DOCK11: variants seen among roughly 807,000 people sequenced by gnomAD.
DOCK11 encodes the protein dedicator of cytokinesis 11.
Under a neutral mutation model 169.1 loss-of-function variants are expected in DOCK11, and 70 were observed. That is an observed-to-expected ratio of 0.41 (90% confidence interval 0.34 to 0.51). The LOEUF is 0.51. Ranked by LOEUF, DOCK11 falls within the 20% of genes least tolerant of loss-of-function variation. DOCK11 has a pLI of 0.10. For synonymous variants in DOCK11, 529 were observed against 541.3 expected (o/e 0.98, Z 0.32); for missense variants, 1,166 against 1,538.8 (o/e 0.76, Z 4.05).
chrX:118,516,018 T>TATATATATATATATATATATATATGC (rs1269373292), intron 1 of DOCK11, among the ~76,000 whole-genome samples: 5 of 81,475 alleles, frequency 6.1e-5, no homozygotes, highest in Admixed American at 2.5e-4. Flanking sequence ...TATATATATA[T>TATATATATATATATATATATATATGC]ACATTCTTAC....
chrX:118,572,255 G>A, intron 10 of DOCK11, 68 bp from the exon 11 acceptor site: 2 of 961,755 alleles, frequency 2.1e-6, no homozygotes, highest in Non-Finnish European at 2.8e-6. Flanking sequence ...GCCATTTTTT[G>A]TATATTGATG....
At chrX:118,569,311 C>T (rs1305031654) in intron 10 of DOCK11, 2 of 109,996 alleles carry the variant, frequency 1.8e-5, no homozygotes, top group African/African-American at 6.6e-5. Context: ...AGGCTGGTCT[C>T]GAACTCCCAA....
intron 18 of DOCK11, among the ~76,000 whole-genome samples, chrX:118,588,775 T>C (rs1380682875): frequency 8.9e-6 from 1 of 112,103 alleles, no homozygotes; most frequent in African/African-American, 3.2e-5. Context: ...CCTGATAGTT[T>C]ATAATGGTAC....
intron 23 of DOCK11, among the ~76,000 whole-genome samples, chrX:118,604,818 C>G (rs1213233889): frequency 9.0e-6 from 1 of 110,681 alleles, no homozygotes; most frequent in Non-Finnish European, 1.9e-5. Context: ...TTGCATTCCA[C>G]TTAACTTGTC....
intron 46 of DOCK11, among the ~76,000 whole-genome samples, chrX:118,674,654 T>C (rs1482673751): frequency 1.8e-5 from 2 of 112,068 alleles, no homozygotes; most frequent in Non-Finnish European, 3.8e-5. Context: ...TGTGTGGATA[T>C]ATATTTTCAA....
chrX:118,543,113 C>A, intron 3 of DOCK11, 98 bp downstream of exon 3: 2 of 616,094 alleles, frequency 3.2e-6, no homozygotes, highest in South Asian at 3.6e-5. Flanking sequence ...TTTATAAATA[C>A]ATAAATGTAA....
chrX:118,672,582 G>A (rs369379326), intron 46 of DOCK11, among the ~76,000 whole-genome samples: 4 of 112,241 alleles, frequency 3.6e-5, no homozygotes, highest in East Asian at 5.6e-4. Flanking sequence ...ACAGGCGCCC[G>A]CCACCGCGCC....
chrX:118,538,779 A>C (rs1484710365), intron 1 of DOCK11: 1 of 431,254 alleles, frequency 2.3e-6, no homozygotes, highest in Admixed American at 9.1e-5. Context: ...AGAAAGGATA[A>C]ATTACAAAGC....
chrX:118,592,452 C>A (rs932379430), intron 19 of DOCK11, among the ~76,000 whole-genome samples: 33 of 111,808 alleles, frequency 3.0e-4, no homozygotes, highest in Non-Finnish European at 3.4e-4. Flanking sequence ...TGTCAATGAA[C>A]ATGCTTTCAA....
chrX:118,499,434 T>C (rs1292140052), intron 1 of DOCK11, among the ~76,000 whole-genome samples: 1 of 111,737 alleles, frequency 8.9e-6, no homozygotes, highest in Non-Finnish European at 1.9e-5. Context: ...CTGGCTGGCA[T>C]CAGCCAGATT....
intron 40 of DOCK11, among the ~76,000 whole-genome samples, chrX:118,648,203 AATATTATAATATT>A (rs1443620842): frequency 1.4e-5 from 1 of 70,913 alleles, no homozygotes; most frequent in African/African-American, 6.6e-5. Context: ...TATAATATAT[AATATTATAATATT>A]ATATAATAAT....
In DOCK11 at chrX:118,685,885, G is replaced by T; in HGVS notation, c.*78G>T. On this transcript the variant is annotated 3_prime_UTR_variant, in exon 53 of 53. Transcript: ENST00000276202. Reference sequence around the variant, plus strand: ...AGCTGTGCAAATGTTAAAATTTAAAGATTTGATATACATGGAGTGTTTCTT... The same window carrying T: ...AGCTGTGCAAATGTTAAAATTTAAATATTTGATATACATGGAGTGTTTCTT... 4 of 1,129,797 alleles carry T rather than the reference G, an allele frequency of 3.5e-6. No homozygotes were observed. Among genetic ancestry groups the T allele is most frequent in the Non-Finnish European group, 4.7e-6 (4 of 843,249 alleles). 93.1% of individuals were successfully genotyped at this position (1,129,797 alleles called of 1,213,427 possible). A position where few individuals can be genotyped will look rare whatever the true frequency, so the allele number is the denominator to read the frequency against.
chrX:118,569,249 C>T lies in DOCK11; in HGVS notation c.1035+1087C>T, dbSNP rs184686476. On this transcript the variant is annotated intron_variant, in intron 10 of 52. Transcript: ENST00000276202. ...CTGGGATTACAGGCATGCACCACCACGCCCGACTAATTTTGTATTTTTAGT... is the reference window on the plus strand; with the variant it reads ...CTGGGATTACAGGCATGCACCACCATGCCCGACTAATTTTGTATTTTTAGT... 4.6e-3 allele frequency among the ~76,000 whole-genome samples: 498 copies of T among 108,387 alleles called. 2 individuals are homozygous for T. The highest frequency in any genetic ancestry group is 0.015 in the African/African-American group (458 of 29,809). 94.1% of individuals were successfully genotyped at this position (108,387 alleles called of 115,157 possible). A position where few individuals can be genotyped will look rare whatever the true frequency, so the allele number is the denominator to read the frequency against.
intron 48 of DOCK11, among the ~76,000 whole-genome samples, chrX:118,677,335 G>A (rs148196685): frequency 4.4e-3 from 495 of 112,311 alleles, no homozygotes; most frequent in African/African-American, 0.015. Flanking sequence ...ATAGTGAGAA[G>A]GCTTATATTA....
intron 22 of DOCK11, among the ~76,000 whole-genome samples, chrX:118,598,553 G>A (rs2147439787): frequency 8.9e-6 from 1 of 111,814 alleles, no homozygotes; most frequent in Non-Finnish European, 1.9e-5. Flanking sequence ...TGAGGCTCAG[G>A]CAGGTTAGGT....
At chrX:118,666,684 A>C (rs2147570645) in intron 45 of DOCK11, among the ~76,000 whole-genome samples, 1 of 111,991 alleles carries the variant, frequency 8.9e-6, no homozygotes, top group South Asian at 3.7e-4. Flanking sequence ...ATTCCTATCT[A>C]TGACTTATTG....
intron 1 of DOCK11, among the ~76,000 whole-genome samples, chrX:118,521,308 C>G (rs1289949828): frequency 1.8e-5 from 2 of 112,057 alleles, no homozygotes; most frequent in Non-Finnish European, 3.8e-5. Flanking sequence ...GATAATCATA[C>G]CTACCGCATA....
chrX:118,647,435 CTACTATAT>C (rs2015707249), intron 40 of DOCK11, among the ~76,000 whole-genome samples: 2 of 88,535 alleles, frequency 2.3e-5, no homozygotes, highest in Non-Finnish European at 4.3e-5. Flanking sequence ...AAAGTAATTG[CTACTATAT>C]CACTATATAG....
chrX:118,667,640 C>T lies in DOCK11; in HGVS notation c.5077-3383C>T, dbSNP rs183969835. Among the ~76,000 whole-genome samples, 39 of 110,985 alleles carry T rather than the reference C, an allele frequency of 3.5e-4. 1 individual carries two copies. In the East Asian group the frequency reaches 0.01, roughly 30 times the overall value. On this transcript the variant is annotated intron_variant, in intron 45 of 52. Transcript: ENST00000276202. ...AAGTCTTGAAATCAAGTAGTGTTAG[C>T]CCTCCAGCTTTATTCTTTTTCAAAG...
Sources: gnomAD v4.1 joint callset for allele counts (sites outside exome capture counted in the v4.1 genomes callset) on GRCh38, gnomAD v4.1.1 for gene constraint, MANE v1.5 for transcripts, NCBI Gene and HGNC (gene_info 2026-07-23, HGNC 2026-07-21) for gene names.